The following TNFRSF19 variants were observed in gnomAD, a reference collection of about 807,000 sequenced individuals.
TNFRSF19 encodes the protein TNF receptor superfamily member 19.
In TNFRSF19, 27 loss-of-function variants were observed where a neutral mutation model predicts 46.4. That is an observed-to-expected ratio of 0.58 (90% CI 0.43 to 0.80). The LOEUF is 0.80. Among genes scored for constraint, TNFRSF19 ranks in the 30% least tolerant of loss-of-function variants. The pLI, the probability that TNFRSF19 is intolerant of heterozygous loss-of-function variation, is 0.00. For missense variants in TNFRSF19, 511 were observed against 530.8 expected, an observed-to-expected ratio of 0.96 and a Z score of 0.37; for synonymous variants, 204 against 205.0, an observed-to-expected ratio of 1.00 and a Z score of 0.04.
rs755116303 is a variant in TNFRSF19 at position 23,668,798 on chromosome 13, G to A, written c.946G>A (p.Gly316Ser). 5.0e-6 allele frequency: 8 copies of A among 1,614,100 alleles called. No individual in the cohort carries two copies. The highest frequency in any genetic ancestry group is 6.8e-6 in the Non-Finnish European group (8 of 1,180,054). ...DAWPLMQNPM[G>S]GDNISFCDSY... ...CTGGCCTCTGATGCAGAATCCCATG[G>A]GTGGTGACAACATCTCTTTTTGTGA... is the stretch of plus-strand genomic sequence containing the variant. The change falls in exon 9 of 10, where the codon GGT becomes AGT. Residue 316 changes from glycine (G) to serine (S), a missense_variant. Physicochemically the swap from Gly to Ser is moderately conservative, Grantham distance 56. Around this residue, in one of 3 missense-constraint regions of TNFRSF19, gnomAD observed 376 missense variants for 372.7 expected, o/e 1.01. Transcript: ENST00000248484.
At chr13:23,634,109 C>A (rs866071669) in intron 5 of TNFRSF19, among the ~76,000 whole-genome samples, 2 of 152,192 alleles carry the variant, frequency 1.3e-5, no homozygotes, top group Non-Finnish European at 2.9e-5. Flanking sequence ...CCAAGAAATG[C>A]CCTTTTTCTC....
At chr13:23,658,909 G>T in intron 5 of TNFRSF19, 141 bp from the exon 6 acceptor site, 2 of 1,010,694 alleles carry the variant, frequency 2.0e-6, no homozygotes, top group Non-Finnish European at 3.0e-6. Flanking sequence ...GGTGGAGGGG[G>T]TGCTTGAGCC....
rs191679660 is a variant in TNFRSF19 at position 23,650,749 on chromosome 13, C to T, written c.446-8301C>T. Among the ~76,000 whole-genome samples the T allele has an allele frequency of 2.7e-3, 412 of 152,056 alleles. 2 individuals are homozygous for T. Among genetic ancestry groups the T allele is most frequent in the Non-Finnish European group, 4.5e-3 (303 of 67,962 alleles). ...ATTTTACTATAATTTTAAATCAGTTCAATTTAAAAAATGTAGTTATGGATA... is the reference window on the plus strand; with the variant it reads ...ATTTTACTATAATTTTAAATCAGTTTAATTTAAAAAATGTAGTTATGGATA... On this transcript the variant is annotated intron_variant, in intron 5 of 9. Transcript: ENST00000248484.
rs796111590 is a variant in TNFRSF19, at chr13:23,625,086, T to A, written c.360-1621T>A. Reference sequence around the variant, plus strand: ...TATTTTTATATGTATTGGTAAAGAATCTGAGAAAATTGATAATAAAAGTGT... The same window carrying A: ...TATTTTTATATGTATTGGTAAAGAAACTGAGAAAATTGATAATAAAAGTGT... On this transcript the variant is annotated intron_variant, in intron 4 of 9. Coordinates refer to ENST00000248484, the MANE Select transcript of TNFRSF19 (RefSeq NM_148957.4). Among the ~76,000 whole-genome samples, 12 of 152,184 alleles carry A rather than the reference T, an allele frequency of 7.9e-5. 1 individual carries two copies. Among genetic ancestry groups the A allele is most frequent in the African/African-American group, 2.9e-4 (12 of 41,524 alleles).
intron 3 of TNFRSF19, among the ~76,000 whole-genome samples, chr13:23,608,506 A>G (rs1880667392): frequency 6.6e-6 from 1 of 152,212 alleles, no homozygotes; most frequent in Admixed American, 6.5e-5. Flanking sequence ...ACTGCTAGTA[A>G]GTAACAGTGC....
At chr13:23,590,309 T>C in intron 2 of TNFRSF19, 57 bp downstream of exon 2, 7 of 1,071,300 alleles carry the variant, frequency 6.5e-6, no homozygotes, top group Non-Finnish European at 9.7e-6. Context: ...CATGTACTAA[T>C]AAGTAGTAGG....
intron 7 of TNFRSF19, among the ~76,000 whole-genome samples, chr13:23,666,834 C>T (rs750396775): frequency 9.2e-5 from 14 of 152,166 alleles, no homozygotes; most frequent in Non-Finnish European, 1.8e-4. Context: ...GCAGGCCAGT[C>T]ATCCTGTTTC....
intron 1 of TNFRSF19, among the ~76,000 whole-genome samples, chr13:23,571,065 G>A (rs1240422256): frequency 6.6e-6 from 1 of 152,158 alleles, no homozygotes; most frequent in Non-Finnish European, 1.5e-5. Context: ...AAGAGGGTTT[G>A]CAGTCTGTCA....
Position 23,674,038 on chromosome 13 carries a change from C to T in TNFRSF19, c.*658C>T, listed in dbSNP as rs1951793697. ...TTTCCAGAATCCACACTTCTGACCT[C>T]AGCCTCGGTCTCATGAACACCCGCT... On this transcript the variant is annotated 3_prime_UTR_variant, in exon 10 of 10. Transcript: ENST00000248484. 6.6e-6 allele frequency: 1 copy of T among 152,186 alleles called. No homozygotes were observed. The highest frequency in any genetic ancestry group is 2.4e-5 in the African/African-American group (1 of 41,432). 9.4% of individuals were successfully genotyped at this position (152,186 alleles called of 1,614,324 possible). A position where few individuals can be genotyped will look rare whatever the true frequency, so the allele number is the denominator to read the frequency against.
At chr13:23,597,791 C>CA (rs1879845660) in intron 3 of TNFRSF19, among the ~76,000 whole-genome samples, 1 of 151,912 alleles carries the variant, frequency 6.6e-6, no homozygotes, top group Non-Finnish European at 1.5e-5. Flanking sequence ...AGAGACACAA[C>CA]AAAAAAAGAA....
chr13:23,633,292 C>T (rs544369762), intron 5 of TNFRSF19, among the ~76,000 whole-genome samples: 71 of 152,078 alleles, frequency 4.7e-4, no homozygotes, highest in African/African-American at 9.6e-4. Context: ...TTTGTGTTTT[C>T]GGTAGAGCTG....
intron 3 of TNFRSF19, among the ~76,000 whole-genome samples, chr13:23,602,549 G>T (rs1465005678): frequency 6.6e-6 from 1 of 152,034 alleles, no homozygotes; most frequent in Non-Finnish European, 1.5e-5. Context: ...TTCAGCAACA[G>T]CAAAAGACAC....
intron 7 of TNFRSF19, 89 bp downstream of exon 7, chr13:23,660,579 A>G: frequency 7.0e-7 from 1 of 1,431,186 alleles, no homozygotes; most frequent in South Asian, 1.4e-5. Flanking sequence ...TTCACCTCAC[A>G]GCGAGGTGGC....
At chr13:23,587,397 G>A (rs887513053) in intron 1 of TNFRSF19, among the ~76,000 whole-genome samples, 2 of 152,130 alleles carry the variant, frequency 1.3e-5, no homozygotes, top group East Asian at 1.9e-4. Context: ...GCCAGGCTAT[G>A]TCAAAAGGTG....
chr13:23,654,368 C>T (rs1183919416), intron 5 of TNFRSF19, among the ~76,000 whole-genome samples: 1 of 152,066 alleles, frequency 6.6e-6, no homozygotes, highest in Non-Finnish European at 1.5e-5. Context: ...CCACAGAATG[C>T]CCCCCGCCCC....
intron 1 of TNFRSF19, among the ~76,000 whole-genome samples, chr13:23,578,127 C>G (rs1878092148): frequency 6.6e-6 from 1 of 152,070 alleles, no homozygotes; most frequent in Non-Finnish European, 1.5e-5. Context: ...CCAGGTGTAG[C>G]TGGGGAAGGA....
chr13:23,591,182 G>A (rs1310307361), intron 2 of TNFRSF19, among the ~76,000 whole-genome samples: 1 of 152,214 alleles, frequency 6.6e-6, no homozygotes, highest in African/African-American at 2.4e-5. Context: ...GCTGGATGCT[G>A]TGGCTCATGC....
At chr13:23,591,731 T>TC (rs199558101) in intron 2 of TNFRSF19, among the ~76,000 whole-genome samples, 4 of 146,226 alleles carry the variant, frequency 2.7e-5, no homozygotes, top group African/African-American at 1.0e-4. Context: ...TTTCTTTCTT[T>TC]TTTTTTTTTT....
At chr13:23,672,117 C>T (rs1022336377) in intron 9 of TNFRSF19, among the ~76,000 whole-genome samples, 5 of 152,222 alleles carry the variant, frequency 3.3e-5, no homozygotes, top group Admixed American at 2.0e-4. Context: ...TTTACACAAC[C>T]TGCATTTCCA....
Sources: gnomAD v4.1 joint callset for allele counts (sites outside exome capture counted in the v4.1 genomes callset) on GRCh38, gnomAD v4.1.1 for gene constraint, gnomAD v4.1.1 regional missense constraint, MANE v1.5 for transcripts, NCBI Gene and HGNC (gene_info 2026-07-23, HGNC 2026-07-21) for gene names.